PDE1C: variants seen among roughly 807,000 people sequenced by gnomAD.
PDE1C encodes dual specificity calcium/calmodulin-dependent 3',5'-cyclic nucleotide phosphodiesterase 1C.
PDE1C carries 62 observed loss-of-function variants against 93.1 expected under a neutral mutation model. That is an observed-to-expected ratio of 0.67 (90% CI 0.54 to 0.82). The LOEUF is 0.82. Ranked by LOEUF, PDE1C falls within the 40% of genes least tolerant of loss-of-function variation. The probability of loss-of-function intolerance (pLI) is 0.00; values close to 1 mark genes in which losing one functional copy is unlikely to be tolerated. For synonymous variants in PDE1C, 325 were observed against 310.1 expected (o/e 1.05, Z -0.50); for missense variants, 742 against 884.6 (o/e 0.84, Z 2.04).
At chr7:32,298,827 G>C in exon 1 of PDE1C, 2 of 1,470,084 alleles carry the variant, frequency 1.4e-6, no homozygotes, top group Non-Finnish European at 9.0e-7. Context: ...GCTCGGCGGC[G>C]AATCCTCCCC....
At chr7:32,024,378 T>C (rs1281797450) in intron 2 of PDE1C, among the ~76,000 whole-genome samples, 2 of 151,490 alleles carry the variant, frequency 1.3e-5, no homozygotes, top group African/African-American at 2.4e-5. Flanking sequence ...TATACAGATA[T>C]GTAGATTTCT....
chr7:32,368,681 G>C (rs1460758326), intron 1 of PDE1C, among the ~76,000 whole-genome samples: 1 of 151,938 alleles, frequency 6.6e-6, no homozygotes, highest in Non-Finnish European at 1.5e-5. Context: ...GAATCACAAA[G>C]ACACAATAGC....
At chr7:32,091,754 G>A (rs1299457942) in intron 3 of PDE1C, among the ~76,000 whole-genome samples, 1 of 152,220 alleles carries the variant, frequency 6.6e-6, no homozygotes, top group Non-Finnish European at 1.5e-5. Context: ...TACTCAGAGT[G>A]AAATGAGGAC....
rs766146786 is a variant in PDE1C at position 32,051,602 on chromosome 7, T to C, written c.102-22A>G. The C allele has an allele frequency of 5.6e-6, 9 of 1,611,386 alleles. No individual in the cohort carries two copies. In the Admixed American group the frequency reaches 1.2e-4, roughly 21 times the overall value. On this transcript the variant is annotated intron_variant, in intron 1 of 17. Coordinates refer to ENST00000396191, the MANE Select transcript of PDE1C (RefSeq NM_001191057.4). ...CCTCCTGTAAGAAAAGGCATAAACATATATCAGAAAAGGGTTGTGGCAGGC... is the reference window on the plus strand; with the variant it reads ...CCTCCTGTAAGAAAAGGCATAAACACATATCAGAAAAGGGTTGTGGCAGGC...
intron 3 of PDE1C, among the ~76,000 whole-genome samples, chr7:32,132,010 ATCAT>A (rs1410352026): frequency 6.6e-6 from 1 of 152,176 alleles, no homozygotes; most frequent in Non-Finnish European, 1.5e-5. Context: ...TGATTGTTAA[ATCAT>A]TGTTTGATTG....
At chr7:31,864,384 A>G (rs1171082936) in intron 7 of PDE1C, among the ~76,000 whole-genome samples, 1 of 152,202 alleles carries the variant, frequency 6.6e-6, no homozygotes, top group East Asian at 1.9e-4. Context: ...AAGCAAAACC[A>G]AAAACATCTA....
At chr7:31,834,186 C>T (rs1233715110) in intron 11 of PDE1C, among the ~76,000 whole-genome samples, 1 of 152,214 alleles carries the variant, frequency 6.6e-6, no homozygotes, top group Admixed American at 6.5e-5. Flanking sequence ...TATGAAACCA[C>T]CTGGATGTCC....
At chr7:32,425,119 TAC>T (rs201580400) in intron 1 of PDE1C, among the ~76,000 whole-genome samples, 2,928 of 151,402 alleles carry the variant, frequency 0.019, 96 homozygotes, top group East Asian at 0.11. Flanking sequence ...TATATTATAT[TAC>T]ATATATATAT....
At chr7:31,896,741 G>A (rs1396689852) in intron 2 of PDE1C, among the ~76,000 whole-genome samples, 1 of 152,198 alleles carries the variant, frequency 6.6e-6, no homozygotes, top group Non-Finnish European at 1.5e-5. Flanking sequence ...AGACCAGAGT[G>A]TGAAATGGCA....
chr7:31,905,805 C>G (rs1161011783), intron 2 of PDE1C, among the ~76,000 whole-genome samples: 1 of 152,070 alleles, frequency 6.6e-6, no homozygotes, highest in Non-Finnish European at 1.5e-5. Context: ...AGGGAGGAAC[C>G]TGGTAGGAGG....
chr7:31,916,997 C>T (rs1033409425), intron 2 of PDE1C, among the ~76,000 whole-genome samples: 1 of 152,090 alleles, frequency 6.6e-6, no homozygotes, highest in Non-Finnish European at 1.5e-5. Context: ...TATTCCATAG[C>T]CCATCTAGGG....
chr7:32,157,831 C>T (rs781325277), intron 3 of PDE1C, among the ~76,000 whole-genome samples: 1 of 152,126 alleles, frequency 6.6e-6, no homozygotes, highest in Non-Finnish European at 1.5e-5. Flanking sequence ...GATAATGTAG[C>T]TCATTTTATT....
Position 32,338,820 on chromosome 7 carries a change from G to A in PDE1C, c.310+89002C>T, listed in dbSNP as rs562681863. 2.4e-4 allele frequency among the ~76,000 whole-genome samples: 36 copies of A among 152,194 alleles called. No homozygotes were observed. The South Asian group carries it at 4.6e-3, about 19-fold the overall frequency. Reference sequence around the variant, plus strand: ...AGATCGAGACCATCCTGGCTAACACGGTGAAACCCCGTCTCTACTAAAAAT... The same window carrying A: ...AGATCGAGACCATCCTGGCTAACACAGTGAAACCCCGTCTCTACTAAAAAT... On this transcript the variant is annotated intron_variant, in intron 1 of 1. Transcript: ENST00000672256.
intron 1 of PDE1C, among the ~76,000 whole-genome samples, chr7:32,224,227 G>A (rs950902246): frequency 6.6e-6 from 1 of 152,186 alleles, no homozygotes; most frequent in Non-Finnish European, 1.5e-5. Flanking sequence ...ACAAAAATTA[G>A]CTGGGCGTGA....
chr7:31,707,061 T>C, the PDE1C span: 3 of 631,228 alleles, frequency 4.8e-6, no homozygotes, highest in South Asian at 7.7e-5. Context: ...GCTCCTTCTC[T>C]GGGTTGGTAC....
At chr7:31,883,657 T>C (rs1022737155) in intron 2 of PDE1C, among the ~76,000 whole-genome samples, 1 of 152,210 alleles carries the variant, frequency 6.6e-6, no homozygotes. Context: ...AGCACAGTAT[T>C]GAGAGAATCA....
chr7:31,619,638 G>T, the PDE1C span, among the ~76,000 whole-genome samples: 1 of 152,002 alleles, frequency 6.6e-6, no homozygotes, highest in Non-Finnish European at 1.5e-5. Flanking sequence ...CAAGATGGCC[G>T]AATAGGAACA....
chr7:32,205,228 C>T (rs1023286984), intron 2 of PDE1C, among the ~76,000 whole-genome samples: 1 of 152,190 alleles, frequency 6.6e-6, no homozygotes, highest in African/African-American at 2.4e-5. Flanking sequence ...TAGTCCATGA[C>T]CAGCATCTGT....
intron 2 of PDE1C, among the ~76,000 whole-genome samples, chr7:32,043,911 A>G (rs1792171153): frequency 1.3e-5 from 2 of 152,326 alleles, no homozygotes; most frequent in South Asian, 4.1e-4. Context: ...ATTTGAAAGT[A>G]TGAGTCACAA....
Sources: gnomAD v4.1 joint callset for allele counts (sites outside exome capture counted in the v4.1 genomes callset) on GRCh38, gnomAD v4.1.1 for gene constraint, MANE v1.5 for transcripts, NCBI Gene and HGNC (gene_info 2026-07-23, HGNC 2026-07-21) for gene names.